Variants in DIAPH2 observed in about 807,000 individuals in gnomAD.
DIAPH2 encodes the protein protein diaphanous homolog 2.
DIAPH2 carries 35 observed loss-of-function variants against 92.7 expected under a neutral mutation model. The observed-to-expected ratio is 0.38, with a 90% confidence interval of 0.29 to 0.50. The LOEUF (loss-of-function observed/expected upper bound fraction) is 0.50. Among genes scored for constraint, DIAPH2 ranks in the 20% least tolerant of loss-of-function variants. The pLI is 0.94. For synonymous variants in DIAPH2, 301 were observed against 280.4 expected (o/e 1.07, Z -0.73); for missense variants, 701 against 819.5 (o/e 0.86, Z 1.77).
chrX:96,961,000 A>C (rs982733402), intron 16 of DIAPH2, among the ~76,000 whole-genome samples: 1 of 111,428 alleles, frequency 9.0e-6, no homozygotes, highest in Non-Finnish European at 1.9e-5. Context: ...TCAGTTCCCT[A>C]GTATTTTGTT....
At chrX:97,334,993 C>CAAA (rs1314227612) in intron 23 of DIAPH2, among the ~76,000 whole-genome samples, 56 of 6,627 alleles carry the variant, frequency 8.5e-3, no homozygotes, top group African/African-American at 0.013. Flanking sequence ...AAAACAAAAA[C>CAAA]AAAACAAAAA....
intron 4 of DIAPH2, among the ~76,000 whole-genome samples, chrX:96,866,351 T>C (rs774670964): frequency 8.9e-6 from 1 of 112,110 alleles, no homozygotes; most frequent in South Asian, 3.7e-4. Context: ...TAAGGAATAT[T>C]CAGGTTTTTT....
chrX:96,828,730 C>T (rs888440581), intron 4 of DIAPH2, among the ~76,000 whole-genome samples: 3 of 111,166 alleles, frequency 2.7e-5, no homozygotes, highest in Admixed American at 1.9e-4. Flanking sequence ...TTTTCTACTC[C>T]CCTTTCAATA....
chrX:97,385,903 C>A (rs1477825807), intron 25 of DIAPH2, among the ~76,000 whole-genome samples: 1 of 111,741 alleles, frequency 8.9e-6, no homozygotes, highest in Non-Finnish European at 1.9e-5. Flanking sequence ...AGTAACTTGC[C>A]CAAGGTCACA....
intron 22 of DIAPH2, among the ~76,000 whole-genome samples, chrX:97,235,686 G>T (rs1405064685): frequency 1.8e-5 from 2 of 109,276 alleles, no homozygotes; most frequent in Non-Finnish European, 3.8e-5. Flanking sequence ...TACACTTAAG[G>T]TGAAACCCAA....
intron 26 of DIAPH2, among the ~76,000 whole-genome samples, chrX:97,456,515 GAT>G (rs1291796052): frequency 1.8e-5 from 2 of 111,622 alleles, no homozygotes; most frequent in Non-Finnish European, 3.8e-5. Flanking sequence ...TAAGAGATAA[GAT>G]ATGTATATAA....
chrX:96,962,286 CATATATAT>C (rs368205747), intron 16 of DIAPH2, among the ~76,000 whole-genome samples: 2 of 59,759 alleles, frequency 3.3e-5, no homozygotes, highest in Non-Finnish European at 6.3e-5. Flanking sequence ...TATATATATA[CATATATAT>C]ATATACATAT....
intron 24 of DIAPH2, among the ~76,000 whole-genome samples, chrX:97,373,118 A>G (rs1021332869): frequency 1.8e-5 from 2 of 112,360 alleles, no homozygotes; most frequent in African/African-American, 6.5e-5. Flanking sequence ...TCTCTACACA[A>G]GTGAATTTCC....
intron 5 of DIAPH2, among the ~76,000 whole-genome samples, chrX:96,909,956 G>A (rs1602621044): frequency 1.8e-5 from 2 of 110,453 alleles, no homozygotes; most frequent in Admixed American, 1.9e-4. Flanking sequence ...GAGAATATAA[G>A]TAAAATTCAG....
At chrX:97,517,257 G>A (rs1055132613) in intron 26 of DIAPH2, among the ~76,000 whole-genome samples, 2 of 112,244 alleles carry the variant, frequency 1.8e-5, no homozygotes, top group African/African-American at 6.5e-5. Flanking sequence ...ATTGTGGTCA[G>A]ACAGCAAGTC....
chrX:96,847,666 T>G (rs2064980589), intron 4 of DIAPH2, among the ~76,000 whole-genome samples: 2 of 111,117 alleles, frequency 1.8e-5, no homozygotes, highest in African/African-American at 6.5e-5. Context: ...GTGGTACATG[T>G]GCAAGTTTGT....
At chrX:97,016,413 G>A (rs748326392) in intron 17 of DIAPH2, among the ~76,000 whole-genome samples, 3 of 111,471 alleles carry the variant, frequency 2.7e-5, no homozygotes, top group East Asian at 2.8e-4. Flanking sequence ...TCAGAGTGTC[G>A]TTATGAAAAA....
At chrX:96,722,936 G>A (rs1285743394) in intron 1 of DIAPH2, among the ~76,000 whole-genome samples, 1 of 111,636 alleles carries the variant, frequency 9.0e-6, no homozygotes. Flanking sequence ...TGTGGGTTAC[G>A]TGTTCATATT....
intron 17 of DIAPH2, among the ~76,000 whole-genome samples, chrX:97,030,846 C>T (rs2066368746): frequency 9.0e-6 from 1 of 111,550 alleles, no homozygotes; most frequent in African/African-American, 3.3e-5. Context: ...GTAAATTGTA[C>T]CATGTTGACA....
chrX:96,751,935 G>A (rs1187212029), intron 3 of DIAPH2, among the ~76,000 whole-genome samples: 2 of 98,703 alleles, frequency 2.0e-5, no homozygotes, highest in Admixed American at 2.1e-4. Flanking sequence ...TTACAGGCGT[G>A]AGCCACCGCG....
At chrX:96,758,965 GA>G (rs777835955) in intron 4 of DIAPH2, among the ~76,000 whole-genome samples, 2 of 106,310 alleles carry the variant, frequency 1.9e-5, no homozygotes, top group East Asian at 5.9e-4. Context: ...TTTTTGGTAA[GA>G]AAAAATTGTA....
intron 1 of DIAPH2, among the ~76,000 whole-genome samples, chrX:96,718,196 C>G (rs1427456142): frequency 1.9e-5 from 2 of 107,339 alleles, no homozygotes; most frequent in African/African-American, 6.8e-5. Context: ...TGAAAACATG[C>G]AACGTTTGCC....
intron 4 of DIAPH2, among the ~76,000 whole-genome samples, chrX:96,859,407 T>G (rs2065058935): frequency 9.1e-6 from 1 of 110,017 alleles, no homozygotes; most frequent in Admixed American, 9.9e-5. Context: ...TTTATTGAAT[T>G]TAGCAAGATT....
chrX:97,046,764 C>T (rs1221257717), intron 17 of DIAPH2, among the ~76,000 whole-genome samples: 1 of 111,582 alleles, frequency 9.0e-6, no homozygotes, highest in Non-Finnish European at 1.9e-5. Flanking sequence ...TTAAACTAGA[C>T]AGGGAGGCAA....
Sources: allele counts gnomAD v4.1 joint callset (sites outside exome capture counted in the v4.1 genomes callset), GRCh38; gene constraint gnomAD v4.1.1; transcripts MANE v1.5; gene names NCBI Gene and HGNC (gene_info 2026-07-23, HGNC 2026-07-21).